FBXL17: variants seen among roughly 807,000 people sequenced by gnomAD.
The protein encoded by FBXL17 is F-box and leucine rich repeat protein 17.
Under a neutral mutation model 66.2 loss-of-function variants are expected in FBXL17, and 22 were observed. That is an observed-to-expected ratio of 0.33 (90% CI 0.24 to 0.47). FBXL17 has a LOEUF of 0.47. Among genes scored for constraint, FBXL17 ranks in the 20% least tolerant of loss-of-function variants. The pLI is 1.00. For missense variants in FBXL17, 878 were observed against 948.2 expected (o/e 0.93, Z 0.97); for synonymous variants, 474 against 400.5 (o/e 1.18, Z -2.19).
intron 5 of FBXL17, among the ~76,000 whole-genome samples, chr5:108,205,278 T>C (rs1754071255): frequency 6.6e-6 from 1 of 152,156 alleles, no homozygotes; most frequent in Non-Finnish European, 1.5e-5. Flanking sequence ...TTGTTTTTAG[T>C]CCCTTTGTAA....
intron 6 of FBXL17, among the ~76,000 whole-genome samples, chr5:108,117,658 C>T (rs931015206): frequency 1.8e-4 from 28 of 151,856 alleles, no homozygotes; most frequent in African/African-American, 6.1e-4. Context: ...TTTCAAAAAA[C>T]GTTGAGGTAT....
intron 6 of FBXL17, among the ~76,000 whole-genome samples, chr5:108,158,748 A>C (rs982941258): frequency 6.6e-6 from 1 of 152,184 alleles, no homozygotes; most frequent in Non-Finnish European, 1.5e-5. Flanking sequence ...GATTATGCAG[A>C]TAAGTGGAAT....
intron 7 of FBXL17, among the ~76,000 whole-genome samples, chr5:107,978,698 C>T (rs370990582): frequency 1.3e-5 from 2 of 152,302 alleles, no homozygotes; most frequent in South Asian, 2.1e-4. Context: ...AATCAACATT[C>T]CCCATTCCCT....
chr5:107,984,177 G>C (rs1043791457), intron 7 of FBXL17, among the ~76,000 whole-genome samples: 1 of 151,952 alleles, frequency 6.6e-6, no homozygotes. Flanking sequence ...GCATCAAATT[G>C]GACAAGTTAT....
At chr5:107,982,176 A>C (rs150702872) in intron 7 of FBXL17, among the ~76,000 whole-genome samples, 32 of 152,212 alleles carry the variant, frequency 2.1e-4, no homozygotes, top group Non-Finnish European at 4.7e-4. Context: ...CTCTCCACTT[A>C]AAGTAAAAGA....
intron 4 of FBXL17, among the ~76,000 whole-genome samples, chr5:108,240,106 G>A (rs1056640364): frequency 3.9e-5 from 6 of 152,058 alleles, no homozygotes; most frequent in African/African-American, 1.4e-4. Context: ...TTAAGTGCTG[G>A]CTTCACGTGT....
chr5:108,083,219 A>T (rs1182694495), intron 6 of FBXL17, among the ~76,000 whole-genome samples: 1 of 56,418 alleles, frequency 1.8e-5, no homozygotes, highest in Non-Finnish European at 3.7e-5. Context: ...TCACCTCAGA[A>T]CACACACACA....
At chr5:107,962,466 T>G (rs2112630767) in intron 7 of FBXL17, among the ~76,000 whole-genome samples, 1 of 152,260 alleles carries the variant, frequency 6.6e-6, no homozygotes, top group Admixed American at 6.5e-5. Flanking sequence ...TATTGGTATT[T>G]TTTCATTTTA....
At chr5:108,209,543 C>G (rs573480965) in intron 5 of FBXL17, among the ~76,000 whole-genome samples, 2 of 152,044 alleles carry the variant, frequency 1.3e-5, no homozygotes, top group African/African-American at 4.8e-5. Flanking sequence ...TTGTCGAAGG[C>G]CTTTTCTGCA....
intron 6 of FBXL17, among the ~76,000 whole-genome samples, chr5:108,181,703 A>C (rs1234149749): frequency 6.6e-6 from 1 of 152,160 alleles, no homozygotes; most frequent in African/African-American, 2.4e-5. Context: ...ATTCAGGATA[A>C]ATCTTTGTAA....
chr5:108,224,230 T>C lies in FBXL17; in HGVS notation c.1507-2A>G. The C allele has an allele frequency of 6.4e-7, 1 of 1,553,468 alleles. No individual in the cohort carries two copies. The highest frequency in any genetic ancestry group is 8.9e-7 in the Non-Finnish European group (1 of 1,129,610). On this transcript the variant is annotated splice_acceptor_variant, in intron 4 of 8. Coordinates refer to ENST00000542267, the MANE Select transcript of FBXL17 (RefSeq NM_001163315.3). LOFTEE classifies it high-confidence loss of function. ...TGCTTTCACTGACTGATCTGTCACC[T>C]AGGGAAAAGACATGGATGAAATTAT...
At chr5:108,260,344 A>T (rs1195603630) in intron 4 of FBXL17, among the ~76,000 whole-genome samples, 1 of 152,126 alleles carries the variant, frequency 6.6e-6, no homozygotes, top group African/African-American at 2.4e-5. Flanking sequence ...CCAAATAACA[A>T]TGACCAGAGG....
At chr5:108,282,438 C>T (rs1310933197) in intron 4 of FBXL17, among the ~76,000 whole-genome samples, 1 of 151,686 alleles carries the variant, frequency 6.6e-6, no homozygotes, top group Non-Finnish European at 1.5e-5. Context: ...TCATTAGATG[C>T]AGAAAAAGCA....
intron 7 of FBXL17, among the ~76,000 whole-genome samples, chr5:107,897,801 C>G (rs945491867): frequency 1.3e-4 from 19 of 150,730 alleles, no homozygotes; most frequent in Non-Finnish European, 1.8e-4. Context: ...AAAAAAAAAG[C>G]TGTGAAAACA....
intron 7 of FBXL17, among the ~76,000 whole-genome samples, chr5:107,915,523 A>C (rs1161603390): frequency 2.6e-5 from 4 of 152,196 alleles, no homozygotes; most frequent in Non-Finnish European, 5.9e-5. Context: ...AATACACAAC[A>C]GTCTTCTTTT....
At chr5:108,325,177 T>C (rs1297863065) in intron 4 of FBXL17, among the ~76,000 whole-genome samples, 1 of 152,128 alleles carries the variant, frequency 6.6e-6, no homozygotes, top group Admixed American at 6.6e-5. Context: ...ATGGGTAAGA[T>C]GGTAAATTTT....
In FBXL17 at chr5:108,381,398, C is replaced by T; in HGVS notation, c.294G>A (p.Gln98=). The change falls in exon 1 of 9, where the codon CAG becomes CAA. Residue 98 remains glutamine (Q), a synonymous_variant. Coordinates refer to ENST00000542267, the MANE Select transcript of FBXL17 (RefSeq NM_001163315.3). ...DGAYAAASSS[Q]HLARRYAALA... ...GGGCCGCGTAGCGCCGCGCCAGGTG[C>T]TGAGAGGAGGAGGCGGCAGCGTAGG... 1 of 1,327,180 alleles carries T rather than the reference C, an allele frequency of 7.5e-7. No homozygotes were observed. Among genetic ancestry groups the T allele is most frequent in the Non-Finnish European group, 9.5e-7 (1 of 1,047,814 alleles). The allele number at this position is 1,327,180 out of a possible 1,614,324, so 82.2% of individuals were successfully genotyped here.
chr5:108,134,778 C>G (rs1428230022), intron 6 of FBXL17, among the ~76,000 whole-genome samples: 8 of 152,156 alleles, frequency 5.3e-5, no homozygotes, highest in African/African-American at 1.9e-4. Flanking sequence ...CTCCAGGCTC[C>G]TGAATTCCCC....
chr5:108,215,638 T>C (rs566894431), intron 5 of FBXL17, among the ~76,000 whole-genome samples: 54 of 152,214 alleles, frequency 3.5e-4, no homozygotes, highest in Non-Finnish European at 4.0e-4. Context: ...TTTGCAAATA[T>C]TTTTTCTTAT....
Sources: gnomAD v4.1 joint callset for allele counts (sites outside exome capture counted in the v4.1 genomes callset) on GRCh38, gnomAD v4.1.1 for gene constraint, MANE v1.5 for transcripts, NCBI Gene and HGNC (gene_info 2026-07-23, HGNC 2026-07-21) for gene names.